Variants in CCNB3 observed in about 807,000 individuals in gnomAD.
CCNB3 encodes cyclin B3, also known as G2/mitotic-specific cyclin-B3.
Under a neutral mutation model 68.0 loss-of-function variants are expected in CCNB3, and 12 were observed. The observed-to-expected ratio is 0.18, with a 90% confidence interval of 0.11 to 0.29. The LOEUF (loss-of-function observed/expected upper bound fraction) is 0.29. Among genes scored for constraint, CCNB3 ranks in the 10% least tolerant of loss-of-function variants. The pLI is 1.00. For missense variants in CCNB3, 904 were observed against 993.1 expected (o/e 0.91, Z 1.21); for synonymous variants, 354 against 388.9 (o/e 0.91, Z 1.06).
chrX:50,328,372 T>C (rs1242542115), intron 8 of CCNB3, among the ~76,000 whole-genome samples: 1 of 112,153 alleles, frequency 8.9e-6, no homozygotes, highest in Non-Finnish European at 1.9e-5. Flanking sequence ...GGAGGCCTCA[T>C]GGAGATTTTT....
At chrX:50,286,576 T>G (rs1936239634) in intron 3 of CCNB3, among the ~76,000 whole-genome samples, 1 of 108,063 alleles carries the variant, frequency 9.3e-6, no homozygotes, top group Admixed American at 9.9e-5. Flanking sequence ...GGGATTGGGA[T>G]TACAGGCCTG....
chrX:50,327,691 G>A (rs139650410), intron 8 of CCNB3, among the ~76,000 whole-genome samples: 1 of 111,591 alleles, frequency 9.0e-6, no homozygotes, highest in Admixed American at 9.5e-5. Context: ...GATACTTAAC[G>A]TGGTAGTCAT....
intron 8 of CCNB3, among the ~76,000 whole-genome samples, chrX:50,318,693 C>T (rs1464797419): frequency 4.5e-5 from 5 of 111,821 alleles, no homozygotes; most frequent in Non-Finnish European, 9.4e-5. Context: ...ACTGCTATCC[C>T]TAGAAAGGTC....
chrX:50,279,757 AAT>A (rs1198773173), intron 1 of CCNB3, among the ~76,000 whole-genome samples: 34 of 89,169 alleles, frequency 3.8e-4, no homozygotes, highest in South Asian at 2.2e-3. Flanking sequence ...CATATATGTA[AAT>A]ATATATGAAT....
chrX:50,289,597 C>A (rs1557209846), intron 4 of CCNB3, among the ~76,000 whole-genome samples: 1 of 111,743 alleles, frequency 8.9e-6, no homozygotes, highest in African/African-American at 3.2e-5. Flanking sequence ...GGGTGCTTAC[C>A]ATGTGTCAGG....
intron 1 of CCNB3, among the ~76,000 whole-genome samples, chrX:50,214,682 G>A (rs1321359681): frequency 1.0e-5 from 1 of 98,856 alleles, no homozygotes; most frequent in Non-Finnish European, 2.0e-5. Context: ...ATATATTTAT[G>A]TATATAATAT....
intron 1 of CCNB3, among the ~76,000 whole-genome samples, chrX:50,226,475 A>ATG (rs1935809241): frequency 1.5e-5 from 1 of 68,392 alleles, no homozygotes; most frequent in African/African-American, 5.8e-5. Context: ...TAGAATATAT[A>ATG]TAAATATATA....
chrX:50,300,555 C>T (rs1348197148), intron 5 of CCNB3, among the ~76,000 whole-genome samples: 1 of 111,665 alleles, frequency 9.0e-6, no homozygotes, highest in African/African-American at 3.3e-5. Context: ...TTCTCTCTGG[C>T]TGCCCTTAAC....
At chrX:50,292,543 C>T (rs1557210248) in intron 4 of CCNB3, among the ~76,000 whole-genome samples, 1 of 110,955 alleles carries the variant, frequency 9.0e-6, no homozygotes, top group African/African-American at 3.3e-5. Context: ...TAATTTTGAT[C>T]ACCTGTTCAA....
chrX:50,225,695 G>A (rs1033127299), intron 1 of CCNB3, among the ~76,000 whole-genome samples: 2 of 109,375 alleles, frequency 1.8e-5, no homozygotes, highest in Admixed American at 2.0e-4. Flanking sequence ...AATCATAGAC[G>A]ATACCCAGCT....
At chrX:50,330,241 C>T (rs1397390460) in intron 8 of CCNB3, among the ~76,000 whole-genome samples, 2 of 111,779 alleles carry the variant, frequency 1.8e-5, no homozygotes, top group Non-Finnish European at 3.8e-5. Flanking sequence ...CAGAATGGAA[C>T]GGAACAGGAC....
intron 1 of CCNB3, among the ~76,000 whole-genome samples, chrX:50,279,307 T>A (rs1462277449): frequency 2.8e-5 from 2 of 72,015 alleles, no homozygotes; most frequent in Non-Finnish European, 4.6e-5. Context: ...TATGAATATT[T>A]ATATTTAATA....
At chrX:50,340,553 T>C (rs73495694) in intron 8 of CCNB3, among the ~76,000 whole-genome samples, 5,698 of 112,263 alleles carry the variant, frequency 0.051, 329 homozygotes, top group African/African-American at 0.17. Context: ...AAACCACCAA[T>C]AGAATCTAGC....
intron 5 of CCNB3, among the ~76,000 whole-genome samples, chrX:50,303,802 G>C (rs1362829227): frequency 9.0e-6 from 1 of 111,089 alleles, no homozygotes; most frequent in East Asian, 2.8e-4. Flanking sequence ...TCACTTTGTT[G>C]ATGATGTCCT....
chrX:50,216,023 A>C (rs1481714181), intron 1 of CCNB3, among the ~76,000 whole-genome samples: 1 of 90,529 alleles, frequency 1.1e-5, no homozygotes, highest in Admixed American at 1.5e-4. Flanking sequence ...GTCTCGGCTC[A>C]CTGCAACCTC....
chrX:50,334,121 T>C (rs1367320625), intron 8 of CCNB3, among the ~76,000 whole-genome samples: 3 of 112,523 alleles, frequency 2.7e-5, no homozygotes, highest in Admixed American at 9.4e-5. Flanking sequence ...TTGGCTTCAA[T>C]GACAGCATCC....
intron 9 of CCNB3, among the ~76,000 whole-genome samples, chrX:50,342,991 G>A (rs1400145713): frequency 8.9e-6 from 1 of 111,786 alleles, no homozygotes; most frequent in Admixed American, 9.5e-5. Context: ...ACAAGTGTGA[G>A]CCACTGTGCC....
chrX:50,221,316 C>T (rs968148035), intron 1 of CCNB3, among the ~76,000 whole-genome samples: 12 of 111,404 alleles, frequency 1.1e-4, no homozygotes, highest in African/African-American at 3.3e-4. Context: ...CTTCTGCTAG[C>T]TTTTGAATTT....
intron 8 of CCNB3, among the ~76,000 whole-genome samples, chrX:50,335,883 A>G (rs1557218766): frequency 8.9e-6 from 1 of 111,772 alleles, no homozygotes; most frequent in Non-Finnish European, 1.9e-5. Flanking sequence ...AGTCAGGCAT[A>G]TACAAGAACT....
Sources: allele counts gnomAD v4.1 joint callset (sites outside exome capture counted in the v4.1 genomes callset), GRCh38; gene constraint gnomAD v4.1.1; transcripts MANE v1.5; gene names NCBI Gene and HGNC (gene_info 2026-07-23, HGNC 2026-07-21).